ALCAM: variants seen among roughly 807,000 people sequenced by gnomAD.
ALCAM encodes the protein CD166 antigen.
ALCAM carries 30 observed loss-of-function variants against 70.9 expected under a neutral mutation model. The ratio of observed to expected loss-of-function variants is 0.42; its 90% confidence interval spans 0.32 to 0.57. The LOEUF is 0.57. Among genes scored for constraint, ALCAM ranks in the 20% least tolerant of loss-of-function variants. The pLI is 0.11. For synonymous variants in ALCAM, 249 were observed against 242.5 expected (o/e 1.03, Z -0.25); for missense variants, 591 against 695.1 (o/e 0.85, Z 1.68).
intron 1 of ALCAM, among the ~76,000 whole-genome samples, chr3:105,455,366 CG>C (rs1006497105): frequency 2.0e-5 from 3 of 150,014 alleles, no homozygotes; most frequent in African/African-American, 7.4e-5. Context: ...GGTGTGAACC[CG>C]GGAGGCGGAG....
intron 1 of ALCAM, among the ~76,000 whole-genome samples, chr3:105,483,628 T>C (rs921891732): frequency 7.9e-5 from 12 of 152,150 alleles, no homozygotes; most frequent in Non-Finnish European, 1.2e-4. Context: ...GGCTAGATCA[T>C]AGGAGTGTTG....
intron 1 of ALCAM, among the ~76,000 whole-genome samples, chr3:105,409,361 G>A (rs968549220): frequency 3.3e-5 from 5 of 151,836 alleles, no homozygotes; most frequent in Non-Finnish European, 7.4e-5. Flanking sequence ...ACACACCATG[G>A]AATGCTACTC....
intron 1 of ALCAM, among the ~76,000 whole-genome samples, chr3:105,380,997 A>C (rs1935505781): frequency 6.6e-6 from 1 of 151,886 alleles, no homozygotes; most frequent in Non-Finnish European, 1.5e-5. Flanking sequence ...CAAATTGTTT[A>C]GTTTTGAAAC....
At chr3:105,539,329 A>G (rs75465454) in intron 6 of ALCAM, among the ~76,000 whole-genome samples, 1,755 of 152,140 alleles carry the variant, frequency 0.012, 41 homozygotes, top group African/African-American at 0.041. Context: ...CTTTAGCCCT[A>G]TTTTCTCCAT....
chr3:105,488,150 T>C (rs774523795), intron 1 of ALCAM, among the ~76,000 whole-genome samples: 1 of 152,124 alleles, frequency 6.6e-6, no homozygotes, highest in Non-Finnish European at 1.5e-5. Context: ...CACCATGTGA[T>C]CTCTGCACAC....
intron 1 of ALCAM, among the ~76,000 whole-genome samples, chr3:105,370,460 A>C (rs1425948937): frequency 2.0e-5 from 3 of 152,194 alleles, no homozygotes; most frequent in African/African-American, 7.2e-5. Flanking sequence ...TTTCTCATAC[A>C]AAATAAAAAG....
At chr3:105,553,165 T>C in intron 14 of ALCAM, 1 of 880,128 alleles carries the variant, frequency 1.1e-6, no homozygotes, top group Non-Finnish European at 1.4e-6. Context: ...GCTTTAGAGA[T>C]GTTAAACATT....
intron 3 of ALCAM, among the ~76,000 whole-genome samples, chr3:105,528,147 A>G (rs1939752693): frequency 6.6e-6 from 1 of 152,118 alleles, no homozygotes; most frequent in African/African-American, 2.4e-5. Context: ...AAATTGAGCT[A>G]TCCTATGTGT....
chr3:105,442,414 G>A (rs1384227290), intron 1 of ALCAM, among the ~76,000 whole-genome samples: 1 of 151,960 alleles, frequency 6.6e-6, no homozygotes, highest in Non-Finnish European at 1.5e-5. Flanking sequence ...TTGTTTCTTA[G>A]GATAAGTGAG....
chr3:105,551,923 G>A (rs1940418352), intron 12 of ALCAM, among the ~76,000 whole-genome samples: 1 of 151,214 alleles, frequency 6.6e-6, no homozygotes, highest in South Asian at 2.1e-4. Context: ...TTCTATGGTA[G>A]ATTAATATCT....
At chr3:105,456,841 A>C (rs1303181584) in intron 1 of ALCAM, among the ~76,000 whole-genome samples, 3 of 152,156 alleles carry the variant, frequency 2.0e-5, no homozygotes, top group South Asian at 2.1e-4. Flanking sequence ...AGAAAAAAAA[A>C]CCCTCTAGTT....
At chr3:105,417,813 T>A (rs1314383370) in intron 1 of ALCAM, among the ~76,000 whole-genome samples, 2 of 151,912 alleles carry the variant, frequency 1.3e-5, no homozygotes, top group East Asian at 3.9e-4. Flanking sequence ...TTTTATTGTA[T>A]CTTCTCTTAG....
rs1937555558 is a variant in ALCAM at position 105,457,961 on chromosome 3, A to AAGCTCCTCAATGGAGCTTTCCAATGG, written c.74-62097_74-62072dup. On this transcript the variant is annotated intron_variant, in intron 1 of 15. Coordinates refer to ENST00000306107, the MANE Select transcript of ALCAM (RefSeq NM_001627.4). Reference sequence around the variant, plus strand: ...TTACCTTTCTCCTCCATAGTGTTGAAAGCTCCTCAATGGAGCTTTCCAATG... The same window carrying AAGCTCCTCAATGGAGCTTTCCAATGG: ...TTACCTTTCTCCTCCATAGTGTTGAAAGCTCCTCAATGGAGCTTTCCAATGGAGCTCCTCAATGGAGCTTTCCAATG... 2.6e-5 allele frequency among the ~76,000 whole-genome samples: 4 copies of AAGCTCCTCAATGGAGCTTTCCAATGG among 152,230 alleles called. No individual in the cohort carries two copies. In the South Asian group the frequency reaches 8.3e-4, roughly 32 times the overall value.
intron 9 of ALCAM, 128 bp from the exon 10 acceptor site, chr3:105,547,021 A>C (rs1288528095): frequency 1.4e-6 from 1 of 720,568 alleles, no homozygotes; most frequent in Non-Finnish European, 2.1e-6. Context: ...AAGCATCTGA[A>C]GTTAAGAAAA....
At chr3:105,504,530 C>G (rs1029146448) in intron 1 of ALCAM, among the ~76,000 whole-genome samples, 1 of 150,232 alleles carries the variant, frequency 6.7e-6, no homozygotes, top group Non-Finnish European at 1.5e-5. Flanking sequence ...CTAGCCTCTC[C>G]TTCAGCTGCC....
chr3:105,384,287 T>A (rs774138169), intron 1 of ALCAM, among the ~76,000 whole-genome samples: 1 of 151,618 alleles, frequency 6.6e-6, no homozygotes. Flanking sequence ...CAGTGCAGAA[T>A]TGGATTTATC....
chr3:105,522,753 A>G (rs928466192), intron 2 of ALCAM, among the ~76,000 whole-genome samples: 2 of 152,174 alleles, frequency 1.3e-5, no homozygotes, highest in Admixed American at 1.3e-4. Context: ...ACTTAACCAA[A>G]CTCAACCTCC....
At chr3:105,526,976 T>C (rs1410386710) in intron 3 of ALCAM, among the ~76,000 whole-genome samples, 1 of 152,162 alleles carries the variant, frequency 6.6e-6, no homozygotes, top group African/African-American at 2.4e-5. Flanking sequence ...AGTCAAATTG[T>C]TTTTATTCTA....
chr3:105,524,964 T>C, intron 3 of ALCAM: 1 of 984,254 alleles, frequency 1.0e-6, no homozygotes, highest in Non-Finnish European at 1.2e-6. Context: ...ATTCAAACTA[T>C]ATTTTAACAG....
Sources: gnomAD v4.1 joint callset for allele counts (sites outside exome capture counted in the v4.1 genomes callset) on GRCh38, gnomAD v4.1.1 for gene constraint, MANE v1.5 for transcripts, NCBI Gene and HGNC (gene_info 2026-07-23, HGNC 2026-07-21) for gene names.